The following STN1 variants were observed in gnomAD, a reference collection of about 807,000 sequenced individuals.
The protein encoded by STN1 is STN1 subunit of CST complex, also known as CST complex subunit STN1.
STN1 carries 29 observed loss-of-function variants against 45.5 expected under a neutral mutation model. The observed-to-expected ratio is 0.64, with a 90% CI of 0.47 to 0.87. STN1 has a LOEUF of 0.87. Ranked by LOEUF, STN1 falls within the 40% of genes least tolerant of loss-of-function variation. The probability of loss-of-function intolerance (pLI) is 0.00; values close to 1 mark genes in which losing one functional copy is unlikely to be tolerated. For synonymous variants in STN1, 148 were observed against 159.0 expected, an observed-to-expected ratio of 0.93 and a Z score of 0.52; for missense variants, 376 against 441.4, an observed-to-expected ratio of 0.85 and a Z score of 1.33.
intron 9 of STN1, among the ~76,000 whole-genome samples, chr10:103,884,186 A>G (rs1267506093): frequency 6.6e-6 from 1 of 151,428 alleles, no homozygotes; most frequent in Non-Finnish European, 1.5e-5. Context: ...CCCAGCTGCA[A>G]TCCTGAAACT....
rs934067959 is a variant in STN1, at chr10:103,882,742, A to T, written c.1049T>A (p.Leu350His). ...GACAATGTCACTCTGGTCCTCCAGGAGCTCCAGAACTTGCTGCAGCACAGC... is the reference window on the plus strand; with the variant it reads ...GACAATGTCACTCTGGTCCTCCAGGTGCTCCAGAACTTGCTGCAGCACAGC... ...SEAVLQQVLE[L>H]LEDQSDIVST... Residue 350 changes from leucine (L) to histidine (H), a missense_variant, in exon 10 of 10, where the codon CTC becomes CAC. Leu to His is a moderately conservative substitution (Grantham distance 99). Transcript: ENST00000224950. 1 of 1,614,066 alleles carries T rather than the reference A, an allele frequency of 6.2e-7. No homozygotes were observed. The highest frequency in any genetic ancestry group is 8.5e-7 in the Non-Finnish European group (1 of 1,180,044).
intron 9 of STN1, among the ~76,000 whole-genome samples, chr10:103,887,492 C>G (rs1010544749): frequency 2.0e-5 from 3 of 152,106 alleles, no homozygotes; most frequent in Admixed American, 6.5e-5. Flanking sequence ...TTTTGCACTG[C>G]TTGGCTTTTC....
At chr10:103,900,523 G>A (rs1182689681) in intron 4 of STN1, among the ~76,000 whole-genome samples, 1 of 152,166 alleles carries the variant, frequency 6.6e-6, no homozygotes, top group African/African-American at 2.4e-5. Flanking sequence ...TGCAGTCAAA[G>A]GGCTCTGCAT....
chr10:103,914,013 C>T (rs1262670997), intron 2 of STN1, among the ~76,000 whole-genome samples: 1 of 152,160 alleles, frequency 6.6e-6, no homozygotes, highest in Non-Finnish European at 1.5e-5. Context: ...CACAGCAAGA[C>T]ATTTGACTGT....
At position 103,914,356 on chromosome 10, in the gene STN1, A is replaced by ATTTTTTT. The variant is rs1564636108; in HGVS notation, c.133+3105_133+3106insAAAAAAA. Among the ~76,000 whole-genome samples the ATTTTTTT allele has an allele frequency of 2.1e-4, 4 of 19,144 alleles. 2 individuals are homozygous for ATTTTTTT. The allele number at this position is 19,144 out of a possible 152,430, so 12.6% of individuals were successfully genotyped here. ...AATACATATATATATATATATATATATATATATATATATATATATTTTTTT... is the reference window on the plus strand; with the variant it reads ...AATACATATATATATATATATATATATTTTTTTTATATATATATATATATATTTTTTT... On this transcript the variant is annotated intron_variant, in intron 2 of 9. Coordinates refer to ENST00000224950, the MANE Select transcript of STN1 (RefSeq NM_024928.5).
Position 103,882,445 on chromosome 10 carries a change from G to A in STN1, c.*239C>T. On this transcript the variant is annotated 3_prime_UTR_variant, in exon 10 of 10. Coordinates refer to ENST00000224950, the MANE Select transcript of STN1 (RefSeq NM_024928.5). ...ACAGTCCAGCCAGGAGCTCAACAGG[G>A]AGGGTTTTCTTGTTGTGTCATGGCT... is the stretch of plus-strand genomic sequence containing the variant. The A allele has an allele frequency of 2.2e-6, 1 of 455,110 alleles. No homozygotes were observed. Among genetic ancestry groups the A allele is most frequent in the Non-Finnish European group, 3.9e-6 (1 of 255,698 alleles). 28.2% of individuals were successfully genotyped at this position (455,110 alleles called of 1,614,324 possible).
At chr10:103,894,841 C>T (rs1031841943) in intron 7 of STN1, among the ~76,000 whole-genome samples, 3 of 152,086 alleles carry the variant, frequency 2.0e-5, no homozygotes, top group South Asian at 4.1e-4. Context: ...CAACATTCAT[C>T]CAGCTGTCAA....
At chr10:103,895,943 A>G (rs1421729156) in intron 7 of STN1, among the ~76,000 whole-genome samples, 1 of 152,218 alleles carries the variant, frequency 6.6e-6, no homozygotes, top group Non-Finnish European at 1.5e-5. Flanking sequence ...ACATACGTCA[A>G]TGAAAAGTGT....
intron 7 of STN1, among the ~76,000 whole-genome samples, chr10:103,895,446 T>C (rs1843164905): frequency 1.3e-5 from 2 of 152,196 alleles, no homozygotes; most frequent in African/African-American, 4.8e-5. Flanking sequence ...TCAGAAGTCC[T>C]AGGAGGTCAA....
chr10:103,907,793 G>C (rs1454907268), intron 3 of STN1, among the ~76,000 whole-genome samples: 3 of 151,826 alleles, frequency 2.0e-5, no homozygotes, highest in African/African-American at 7.3e-5. Flanking sequence ...CTTCTCTGTA[G>C]GTGAAAAGCT....
At chr10:103,911,490 C>A (rs1265166) in intron 2 of STN1, among the ~76,000 whole-genome samples, 46,026 of 152,034 alleles carry the variant, frequency 0.3, 8,015 homozygotes, top group East Asian at 0.64. Context: ...GCCCCCATGA[C>A]GGCTAAATTC....
chr10:103,879,730 G>C lies in STN1; in HGVS notation c.*2954C>G, dbSNP rs1157058594. 3 of 152,940 alleles carry C rather than the reference G, an allele frequency of 2.0e-5. No individual in the cohort carries two copies. Among genetic ancestry groups the C allele is most frequent in the African/African-American group, 7.2e-5 (3 of 41,476 alleles). 9.5% of individuals were successfully genotyped at this position (152,940 alleles called of 1,614,324 possible). On this transcript the variant is annotated 3_prime_UTR_variant, in exon 10 of 10. Transcript: ENST00000224950. ...CTGCTGTGCTGTGAACAGCCCAAGA[G>C]GGGCCAGGGCGGAAGCAGAGAGGAC...
chr10:103,905,178 G>A (rs765726071), intron 3 of STN1, 22 bp from the exon 4 acceptor site: 2 of 1,608,454 alleles, frequency 1.2e-6, no homozygotes, highest in African/African-American at 1.3e-5. Flanking sequence ...AAGCAAAAGG[G>A]TATAAGAGAG....
intron 7 of STN1, 92 bp from the exon 8 acceptor site, chr10:103,892,344 G>C: frequency 8.3e-7 from 1 of 1,208,608 alleles, no homozygotes; most frequent in East Asian, 2.4e-5. Flanking sequence ...TCATGAATTT[G>C]TCCAACAGGC....
At chr10:103,905,205 T>C in intron 3 of STN1, 49 bp from the exon 4 acceptor site, 2 of 1,477,842 alleles carry the variant, frequency 1.4e-6, no homozygotes, top group Non-Finnish European at 1.9e-6. Context: ...GCAAGGCTGG[T>C]GAATTAGCAT....
chr10:103,907,430 A>C (rs962004101), intron 3 of STN1, among the ~76,000 whole-genome samples: 6 of 152,266 alleles, frequency 3.9e-5, no homozygotes, highest in African/African-American at 9.6e-5. Flanking sequence ...TTAAATACTA[A>C]GAGCAGTTTC....
Position 103,885,275 on chromosome 10 carries a change from T to C in STN1, c.950-2434A>G, listed in dbSNP as rs115368298. The stretch of plus-strand genomic sequence containing the variant: ...GGAAGAGCTGACCAGCAAGCAAGGA[T>C]AGGTTTGATGATGGAGGGTGAGGGG... On this transcript the variant is annotated intron_variant, in intron 9 of 9. Transcript: ENST00000224950. Among the ~76,000 whole-genome samples, 905 of 152,178 alleles carry C rather than the reference T, an allele frequency of 5.9e-3. 11 individuals are homozygous for C. Among genetic ancestry groups the C allele is most frequent in the African/African-American group, 0.021 (863 of 41,516 alleles).
chr10:103,897,398 C>A, intron 7 of STN1, 150 bp downstream of exon 7: 1 of 705,260 alleles, frequency 1.4e-6, no homozygotes. Flanking sequence ...AATGACCTTT[C>A]CAGAATAGAA....
At chr10:103,897,906 TA>T (rs1300842408) in intron 6 of STN1, among the ~76,000 whole-genome samples, 187 bp from the exon 7 acceptor site, 6 of 152,028 alleles carry the variant, frequency 3.9e-5, no homozygotes, top group Non-Finnish European at 8.8e-5. Flanking sequence ...CTACAGGAAC[TA>T]AGATATTCAT....
Sources: allele counts gnomAD v4.1 joint callset (sites outside exome capture counted in the v4.1 genomes callset), GRCh38; gene constraint gnomAD v4.1.1; transcripts MANE v1.5; gene names NCBI Gene and HGNC (gene_info 2026-07-23, HGNC 2026-07-21).